Variants in LUZP2 observed in about 807,000 individuals in gnomAD.
LUZP2 encodes leucine zipper protein 2.
In LUZP2, 52 loss-of-function variants were observed where a neutral mutation model predicts 51.6. The ratio of observed to expected loss-of-function variants is 1.01; its 90% confidence interval spans 0.81 to 1.27. The LOEUF is 1.27. LUZP2 is among the 50% of genes most tolerant of loss of function. LUZP2 has a pLI of 0.00. For missense variants in LUZP2, 436 were observed against 395.4 expected (o/e 1.10, Z -0.87); for synonymous variants, 154 against 137.3 (o/e 1.12, Z -0.85).
At chr11:24,973,311 G>A (rs1855797769) in intron 7 of LUZP2, among the ~76,000 whole-genome samples, 1 of 134,518 alleles carries the variant, frequency 7.4e-6, no homozygotes, top group African/African-American at 2.7e-5. Flanking sequence ...TTTCTATTGT[G>A]TCTTCTCTCT....
intron 9 of LUZP2, among the ~76,000 whole-genome samples, chr11:25,029,207 C>T (rs1385099841): frequency 6.6e-6 from 1 of 152,040 alleles, no homozygotes; most frequent in Non-Finnish European, 1.5e-5. Context: ...AATAACTTAA[C>T]ATATTTAAAT....
At chr11:24,988,145 G>A (rs1229751880) in intron 9 of LUZP2, among the ~76,000 whole-genome samples, 1 of 151,942 alleles carries the variant, frequency 6.6e-6, no homozygotes, top group Non-Finnish European at 1.5e-5. Flanking sequence ...AAACAGTTCT[G>A]TTTTTCCACC....
chr11:24,880,131 G>T (rs947137647), intron 5 of LUZP2, among the ~76,000 whole-genome samples: 1 of 152,156 alleles, frequency 6.6e-6, no homozygotes. Flanking sequence ...CTCAAGGTTG[G>T]ATTGCTGGCA....
chr11:24,579,817 T>C (rs1032500871), intron 1 of LUZP2, among the ~76,000 whole-genome samples: 3 of 152,112 alleles, frequency 2.0e-5, no homozygotes, highest in African/African-American at 7.2e-5. Flanking sequence ...TCATGTCCAA[T>C]ACTAACTGAT....
chr11:24,508,271 G>A (rs1850199278), intron 1 of LUZP2, among the ~76,000 whole-genome samples: 1 of 152,036 alleles, frequency 6.6e-6, no homozygotes, highest in Non-Finnish European at 1.5e-5. Context: ...AAATTTTTGT[G>A]TTGGCTTCAT....
chr11:25,007,213 A>G (rs1390415813), intron 9 of LUZP2, among the ~76,000 whole-genome samples: 7 of 152,228 alleles, frequency 4.6e-5, no homozygotes, highest in African/African-American at 1.7e-4. Flanking sequence ...CCGACCCAGA[A>G]GCCCAGCCGG....
chr11:24,953,660 A>AT (rs1477664352), intron 7 of LUZP2, among the ~76,000 whole-genome samples: 4 of 152,042 alleles, frequency 2.6e-5, no homozygotes, highest in Admixed American at 6.6e-5. Context: ...ACTTTTCAGT[A>AT]AAAATACAGA....
At chr11:24,500,159 C>T (rs1849951661) in intron 1 of LUZP2, among the ~76,000 whole-genome samples, 1 of 152,092 alleles carries the variant, frequency 6.6e-6, no homozygotes. Flanking sequence ...ATGTATTTGT[C>T]CTGAAAGAAA....
intron 9 of LUZP2, among the ~76,000 whole-genome samples, chr11:25,018,849 C>G (rs1027070510): frequency 9.9e-5 from 15 of 152,098 alleles, no homozygotes; most frequent in Non-Finnish European, 1.9e-4. Context: ...CTCAAGTGAT[C>G]CACCTGCCTC....
intron 1 of LUZP2, among the ~76,000 whole-genome samples, chr11:24,630,287 G>C (rs926466096): frequency 2.6e-5 from 4 of 151,836 alleles, no homozygotes; most frequent in Non-Finnish European, 5.9e-5. Flanking sequence ...CAGAAAAGTT[G>C]TTCCTATGTT....
intron 1 of LUZP2, among the ~76,000 whole-genome samples, chr11:24,549,844 T>C (rs1292939824): frequency 1.3e-5 from 2 of 152,094 alleles, no homozygotes; most frequent in Non-Finnish European, 1.5e-5. Flanking sequence ...AATGTTCATG[T>C]TGCTTTCTAT....
intron 5 of LUZP2, among the ~76,000 whole-genome samples, chr11:24,882,815 G>GAGGAAGGGAGGAAGA (rs1852517185): frequency 6.7e-6 from 1 of 149,430 alleles, no homozygotes; most frequent in Admixed American, 6.7e-5. Context: ...AGGGAAGAAG[G>GAGGAAGGGAGGAAGA]GAGGGAGGGA....
chr11:24,904,111 C>T (rs1343694575), intron 5 of LUZP2, among the ~76,000 whole-genome samples: 1 of 152,130 alleles, frequency 6.6e-6, no homozygotes, highest in Non-Finnish European at 1.5e-5. Context: ...AAGAGTTCCC[C>T]TTTCTCCACA....
At chr11:24,776,855 A>T (rs569000264) in intron 5 of LUZP2, among the ~76,000 whole-genome samples, 1 of 152,220 alleles carries the variant, frequency 6.6e-6, no homozygotes, top group Admixed American at 6.5e-5. Flanking sequence ...ATCCTCAGAG[A>T]TTCATCATTT....
intron 1 of LUZP2, among the ~76,000 whole-genome samples, chr11:24,570,146 T>A (rs1397766602): frequency 1.3e-5 from 2 of 151,966 alleles, no homozygotes; most frequent in African/African-American, 4.8e-5. Context: ...AAAAACAAAC[T>A]AGGGCAAAAT....
chr11:25,018,037 G>GTTTTTTTTTTTTT (rs1410360304), intron 9 of LUZP2, among the ~76,000 whole-genome samples: 13 of 131,072 alleles, frequency 9.9e-5, no homozygotes, highest in Admixed American at 2.3e-4. Flanking sequence ...TTTTGTTTCT[G>GTTTTTTTTTTTTT]TTTTTTTTTT....
intron 1 of LUZP2, among the ~76,000 whole-genome samples, chr11:24,657,783 A>AACAG (rs1461615385): frequency 1.3e-5 from 2 of 151,586 alleles, no homozygotes; most frequent in Admixed American, 6.6e-5. Context: ...ATACACCATT[A>AACAG]ACAAACAGAG....
chr11:24,983,124 A>G lies in LUZP2; in HGVS notation c.598-2A>G, dbSNP rs1856085994. On this transcript the variant is annotated splice_acceptor_variant, in intron 8 of 11. Transcript: ENST00000336930. LOFTEE classifies it high-confidence loss of function. ...AATATGTTAATGCCTCTTTTTTTGT[A>G]GGAGTCACAGATGAAAGCAATGAAA... 6.2e-7 allele frequency: 1 copy of G among 1,607,526 alleles called. No individual in the cohort carries two copies. The highest frequency in any genetic ancestry group is 8.5e-7 in the Non-Finnish European group (1 of 1,177,288).
chr11:24,977,715 C>T (rs1855917224), intron 8 of LUZP2, among the ~76,000 whole-genome samples: 1 of 151,306 alleles, frequency 6.6e-6, no homozygotes, highest in African/African-American at 2.4e-5. Context: ...ATGTATGTTG[C>T]ACATATGCCC....
Sources: gnomAD v4.1 joint callset for allele counts (sites outside exome capture counted in the v4.1 genomes callset) on GRCh38, gnomAD v4.1.1 for gene constraint, MANE v1.5 for transcripts, NCBI Gene and HGNC (gene_info 2026-07-23, HGNC 2026-07-21) for gene names.